The following CRLS1 variants were observed in gnomAD, a reference collection of about 807,000 sequenced individuals.
CRLS1 encodes the protein cardiolipin synthase (CMP-forming).
In CRLS1, 24 loss-of-function variants were observed where a neutral mutation model predicts 37.0. The ratio of observed to expected loss-of-function variants is 0.65; its 90% confidence interval spans 0.47 to 0.91. CRLS1 has a LOEUF of 0.91. CRLS1 is among the 40% of genes least tolerant of loss of function. CRLS1 has a pLI of 0.00. For missense variants in CRLS1, 373 were observed against 395.8 expected, an observed-to-expected ratio of 0.94 and a Z score of 0.49; for synonymous variants, 135 against 159.7, an observed-to-expected ratio of 0.85 and a Z score of 1.17.
At chr20:6,026,310 T>C (rs1979690718) in intron 3 of CRLS1, 1 of 140,484 alleles carries the variant, frequency 7.1e-6, no homozygotes, top group Admixed American at 6.9e-5. Context: ...GTGGTGTGAG[T>C]GTTTGTGTGT....
At position 6,039,527 on chromosome 20, in the gene CRLS1, A is replaced by AGAT. The variant is rs1980821945; in HGVS notation, c.*2370_*2372dup. ...TTCTGCAGCATGGTTTGGAAACAAA[A>AGAT]GATACATAGGATTTAAACTCGATTT... On this transcript the variant is annotated 3_prime_UTR_variant, in exon 7 of 7. Coordinates refer to ENST00000378863, the MANE Select transcript of CRLS1 (RefSeq NM_019095.6). The AGAT allele has an allele frequency of 6.6e-6, 1 of 152,184 alleles. No individual in the cohort carries two copies. The highest frequency in any genetic ancestry group is 2.1e-4 in the South Asian group (1 of 4,836). 9.4% of individuals were successfully genotyped at this position (152,184 alleles called of 1,614,324 possible). A position where few individuals can be genotyped will look rare whatever the true frequency, so the allele number is the denominator to read the frequency against.
At chr20:6,007,351 T>C in intron 1 of CRLS1, 3 of 1,612,118 alleles carry the variant, frequency 1.9e-6, no homozygotes, top group Non-Finnish European at 2.5e-6. Flanking sequence ...TACTTTGAAG[T>C]TGCCATATCC....
intron 3 of CRLS1, among the ~76,000 whole-genome samples, chr20:6,029,136 T>TG (rs1979948272): frequency 9.0e-6 from 1 of 111,410 alleles, no homozygotes; most frequent in South Asian, 3.1e-4. Context: ...GGGGAACCCT[T>TG]GATTTTTTTT....
intron 3 of CRLS1, chr20:6,015,768 T>G: frequency 3.3e-6 from 1 of 303,964 alleles, no homozygotes; most frequent in Non-Finnish European, 6.4e-6. Flanking sequence ...CATATTACTC[T>G]GAAATTTTTT....
At chr20:6,021,391 C>T (rs2143636) in intron 3 of CRLS1, among the ~76,000 whole-genome samples, 150,480 of 152,310 alleles carry the variant, frequency 0.99, 74,338 homozygotes, top group East Asian at 1. Context: ...TGAAGTTATG[C>T]TGTTAAAGTG....
At chr20:6,034,153 A>C (rs1980383418) in intron 5 of CRLS1, among the ~76,000 whole-genome samples, 1 of 152,232 alleles carries the variant, frequency 6.6e-6, no homozygotes, top group South Asian at 2.1e-4. Context: ...GGCAGTTGGA[A>C]AAAAGGCAAA....
chr20:6,010,240 A>C (rs1287183072), intron 2 of CRLS1, among the ~76,000 whole-genome samples: 1 of 152,172 alleles, frequency 6.6e-6, no homozygotes, highest in African/African-American at 2.4e-5. Flanking sequence ...AAAGGAGAGG[A>C]GATCTGAGAT....
chr20:6,038,619 A>G lies in CRLS1; in HGVS notation c.*1461A>G, dbSNP rs766421994. 1 of 152,236 alleles carries G rather than the reference A, an allele frequency of 6.6e-6. No individual in the cohort carries two copies. Among genetic ancestry groups the G allele is most frequent in the Non-Finnish European group, 1.5e-5 (1 of 68,058 alleles). The allele number at this position is 152,236 out of a possible 1,614,324, so 9.4% of individuals were successfully genotyped here. A position where few individuals can be genotyped will look rare whatever the true frequency, so the allele number is the denominator to read the frequency against. Reference sequence around the variant, plus strand: ...TTCTTGCTCTCTGGAGAACAGCTTCATTGTTAGGAGTAGTTAGGCTGAAAG... The same window carrying G: ...TTCTTGCTCTCTGGAGAACAGCTTCGTTGTTAGGAGTAGTTAGGCTGAAAG... On this transcript the variant is annotated 3_prime_UTR_variant, in exon 7 of 7. Coordinates refer to ENST00000378863, the MANE Select transcript of CRLS1 (RefSeq NM_019095.6).
rs11481861 is a variant in CRLS1, at chr20:6,012,030, G to GTT, written c.444+2128_444+2129dup. 4.5e-3 allele frequency among the ~76,000 whole-genome samples: 661 copies of GTT among 147,730 alleles called. 4 individuals carry two copies. The highest frequency in any genetic ancestry group is 6.7e-3 in the Admixed American group (99 of 14,846). On this transcript the variant is annotated intron_variant, in intron 2 of 6. Coordinates refer to ENST00000378863, the MANE Select transcript of CRLS1 (RefSeq NM_019095.6). ...TGTAGTCTCCTTTTTTGTCTGCTAC[G>GTT]TTTTTTTTTTTCTTGTAAGCTGCCA...
chr20:6,017,664 A>C (rs1978863329), intron 3 of CRLS1, among the ~76,000 whole-genome samples: 2 of 152,198 alleles, frequency 1.3e-5, no homozygotes, highest in Admixed American at 1.3e-4. Context: ...TTTTAGAATC[A>C]GCTTTTCTAA....
In CRLS1 at chr20:6,009,925, T is replaced by C. The variant is rs763149346; in HGVS notation, c.444+13T>C. ...ACTAACAGATTTGGTAAGTTGTAAA[T>C]GCACTCCCAGTTTGCTCTCCTTCCA... is the stretch of plus-strand genomic sequence containing the variant. On this transcript the variant is annotated intron_variant, in intron 2 of 6. Coordinates refer to ENST00000378863, the MANE Select transcript of CRLS1 (RefSeq NM_019095.6). 6.2e-7 allele frequency: 1 copy of C among 1,612,216 alleles called. No homozygotes were observed. Among genetic ancestry groups the C allele is most frequent in the African/African-American group, 1.3e-5 (1 of 74,890 alleles).
chr20:6,013,339 T>G (rs1236134386), intron 2 of CRLS1, among the ~76,000 whole-genome samples: 1 of 151,662 alleles, frequency 6.6e-6, no homozygotes, highest in Non-Finnish European at 1.5e-5. Flanking sequence ...GGTGTGCCAC[T>G]GTGCCCAGTG....
In CRLS1 at chr20:6,034,504, T is replaced by G. The variant is rs1259643955; in HGVS notation, c.770T>G (p.Leu257Trp). The G allele has an allele frequency of 6.2e-7, 1 of 1,613,388 alleles. No homozygotes were observed. ...CAGTTAATCTTGGTGGCAGCTTCTT[T>G]GGCAGCTCCAGTTTTCAACTATGCT... The part of the protein sequence containing the change: ...AVQLILVAAS[L>W]AAPVFNYADS... Residue 257 changes from leucine to tryptophan, a missense_variant, in exon 6 of 7, where the codon TTG (leucine) becomes TGG (tryptophan). Leu to Trp is a moderately conservative substitution (Grantham distance 61). Coordinates refer to ENST00000378863, the MANE Select transcript of CRLS1 (RefSeq NM_019095.6).
At chr20:6,026,623 G>A (rs1429809168) in intron 3 of CRLS1, among the ~76,000 whole-genome samples, 1 of 152,006 alleles carries the variant, frequency 6.6e-6, no homozygotes, top group Non-Finnish European at 1.5e-5. Context: ...GAAATGTATG[G>A]TGATCCTTGG....
rs201221373 is a variant in CRLS1, at chr20:6,034,607, G to T, written c.821+52G>T. 7 of 1,284,430 alleles carry T rather than the reference G, an allele frequency of 5.4e-6. No individual in the cohort carries two copies. In the African/African-American group the frequency reaches 1.0e-4, roughly 19 times the overall value. 79.6% of individuals were successfully genotyped at this position (1,284,430 alleles called of 1,614,324 possible). The stretch of plus-strand genomic sequence containing the variant: ...TAGAATGTCAACAGAATGACTTATG[G>T]TGATAGCCCTAGAATGACCTTGTTC... On this transcript the variant is annotated intron_variant, in intron 6 of 6. Transcript: ENST00000378863.
At chr20:6,009,935 G>A in intron 2 of CRLS1, 23 bp downstream of exon 2, 4 of 1,608,576 alleles carry the variant, frequency 2.5e-6, no homozygotes, top group Non-Finnish European at 3.4e-6. Context: ...TGCACTCCCA[G>A]TTTGCTCTCC....
At chr20:6,034,162 A>T (rs1409268241) in intron 5 of CRLS1, among the ~76,000 whole-genome samples, 1 of 152,214 alleles carries the variant, frequency 6.6e-6, no homozygotes, top group Non-Finnish European at 1.5e-5. Flanking sequence ...AAAAAAGGCA[A>T]ATAATTTTGT....
At chr20:6,011,571 G>GCTTTTTTTTTTTTT (rs2090133859) in intron 2 of CRLS1, among the ~76,000 whole-genome samples, 1 of 42,624 alleles carries the variant, frequency 2.3e-5, no homozygotes, top group Non-Finnish European at 5.2e-5. Context: ...TTTTGTCCCT[G>GCTTTTTTTTTTTTT]CTTTTTTTTT....
At chr20:6,031,645 C>G (rs550373255) in intron 4 of CRLS1, among the ~76,000 whole-genome samples, 2 of 152,280 alleles carry the variant, frequency 1.3e-5, no homozygotes, top group East Asian at 3.9e-4. Context: ...TATTCACAGG[C>G]TCTATAAATA....
Sources: gnomAD v4.1 joint callset for allele counts (sites outside exome capture counted in the v4.1 genomes callset) on GRCh38, gnomAD v4.1.1 for gene constraint, MANE v1.5 for transcripts, NCBI Gene and HGNC (gene_info 2026-07-23, HGNC 2026-07-21) for gene names.